The following ZDHHC14 variants were observed in gnomAD, a reference collection of about 807,000 sequenced individuals.
ZDHHC14 encodes zDHHC palmitoyltransferase 14, also known as palmitoyltransferase ZDHHC14.
A neutral mutation model predicts 47.7 loss-of-function variants in ZDHHC14; 16 were observed. The observed-to-expected ratio is 0.34, with a 90% CI of 0.23 to 0.51. ZDHHC14 has a LOEUF of 0.51. ZDHHC14 is among the 20% of genes least tolerant of loss of function. ZDHHC14 has a pLI of 0.97. For missense variants in ZDHHC14, 515 were observed against 662.5 expected, an observed-to-expected ratio of 0.78 and a Z score of 2.44; for synonymous variants, 293 against 278.9, an observed-to-expected ratio of 1.05 and a Z score of -0.50.
chr6:157,560,334 T>C (rs1782656934), intron 2 of ZDHHC14, among the ~76,000 whole-genome samples: 2 of 152,214 alleles, frequency 1.3e-5, no homozygotes. Flanking sequence ...TGAAGACCAC[T>C]TATCCCAGAG....
chr6:157,542,681 C>T lies in ZDHHC14; in HGVS notation c.342C>T (p.Phe114=), dbSNP rs1013984758. The T allele has an allele frequency of 3.7e-6, 6 of 1,614,052 alleles. No individual in the cohort carries two copies. The African/African-American group carries it at 6.7e-5, about 18-fold the overall frequency. Residue 114 remains phenylalanine, a synonymous_variant, in exon 2 of 9, where the codon TTC becomes TTT. Transcript: ENST00000359775. ...TGGGGACCCTGCTCCGCACCAGCTT[C>T]AGCGACCCCGGAGTCCTCCCACGAG... ...FVMGTLLRTS[F]SDPGVLPRAT...
intron 2 of ZDHHC14, among the ~76,000 whole-genome samples, chr6:157,575,170 G>T (rs535545918): frequency 6.6e-6 from 1 of 152,312 alleles, no homozygotes; most frequent in Non-Finnish European, 1.5e-5. Context: ...CTTCTACCTT[G>T]GGGGAGCTCA....
chr6:157,559,938 T>C (rs1782641670), intron 2 of ZDHHC14, among the ~76,000 whole-genome samples: 3 of 152,294 alleles, frequency 2.0e-5, no homozygotes, highest in Middle Eastern at 6.8e-3. Flanking sequence ...GAAACCTTAC[T>C]TGAAAATAAA....
chr6:157,613,105 G>T (rs1040296028), intron 3 of ZDHHC14, among the ~76,000 whole-genome samples: 3 of 152,102 alleles, frequency 2.0e-5, no homozygotes, highest in Admixed American at 6.5e-5. Flanking sequence ...AATGACTCAT[G>T]GTGTCTTTAG....
chr6:157,540,085 G>T (rs1184423170), intron 1 of ZDHHC14, among the ~76,000 whole-genome samples: 1 of 152,214 alleles, frequency 6.6e-6, no homozygotes, highest in African/African-American at 2.4e-5. Flanking sequence ...CCGGCAGGCA[G>T]TAGGCCTCCC....
At chr6:157,646,605 T>G (rs1035214198) in intron 6 of ZDHHC14, among the ~76,000 whole-genome samples, 64 of 102,118 alleles carry the variant, frequency 6.3e-4, no homozygotes, top group Middle Eastern at 5.0e-3. Flanking sequence ...AGAGCGACAC[T>G]CCATCTCAAA....
chr6:157,584,306 G>A (rs1783614207), intron 2 of ZDHHC14, among the ~76,000 whole-genome samples: 1 of 151,648 alleles, frequency 6.6e-6, no homozygotes, highest in South Asian at 2.1e-4. Flanking sequence ...TGGTGGCTGT[G>A]GTGTGCTGGA....
intron 1 of ZDHHC14, among the ~76,000 whole-genome samples, chr6:157,390,314 G>C (rs954722527): frequency 9.9e-5 from 15 of 151,950 alleles, no homozygotes; most frequent in African/African-American, 3.6e-4. Flanking sequence ...TATTTCTCCA[G>C]CTGATTTTCT....
Position 157,430,485 on chromosome 6 carries a change from G to A in ZDHHC14, c.245+48219G>A, listed in dbSNP as rs527576473. 3.9e-5 allele frequency among the ~76,000 whole-genome samples: 6 copies of A among 152,206 alleles called. No individual in the cohort carries two copies. The South Asian group carries it at 8.3e-4, about 21-fold the overall frequency. On this transcript the variant is annotated intron_variant, in intron 1 of 8. Transcript: ENST00000359775. Reference sequence around the variant, plus strand: ...TTTTCAGCCTCCAGAGGCTGCCCCCGCCTTTCCCTGGCTTGTGGCTGCCTT... The same window carrying A: ...TTTTCAGCCTCCAGAGGCTGCCCCCACCTTTCCCTGGCTTGTGGCTGCCTT...
At chr6:157,623,539 C>CTTTT (rs1194920593) in intron 3 of ZDHHC14, among the ~76,000 whole-genome samples, 9 of 126,208 alleles carry the variant, frequency 7.1e-5, no homozygotes, top group African/African-American at 1.6e-4. Flanking sequence ...ACTCATACAT[C>CTTTT]TTTTTTTTTT....
intron 2 of ZDHHC14, among the ~76,000 whole-genome samples, chr6:157,558,891 G>C (rs1566956): frequency 1.3e-5 from 2 of 151,818 alleles, no homozygotes; most frequent in African/African-American, 4.8e-5. Flanking sequence ...CTGGAAGCAG[G>C]ACTTGCAGGC....
intron 5 of ZDHHC14, among the ~76,000 whole-genome samples, chr6:157,635,097 G>T (rs1276171693): frequency 6.6e-6 from 1 of 152,056 alleles, no homozygotes; most frequent in Non-Finnish European, 1.5e-5. Context: ...GGGTTCAAGC[G>T]ATTCTCCTGC....
chr6:157,482,978 G>A lies in ZDHHC14; in HGVS notation c.246-59607G>A, dbSNP rs909706615. On this transcript the variant is annotated intron_variant, in intron 1 of 8. Coordinates refer to ENST00000359775, the MANE Select transcript of ZDHHC14 (RefSeq NM_024630.3). Reference sequence around the variant, plus strand: ...AAGCTGGTCTTGAACTCCTGACCTCGTGATCTGCCCACCTTGGCATCCCAA... The same window carrying A: ...AAGCTGGTCTTGAACTCCTGACCTCATGATCTGCCCACCTTGGCATCCCAA... Among the ~76,000 whole-genome samples, 8 of 151,830 alleles carry A rather than the reference G, an allele frequency of 5.3e-5. 1 individual carries two copies. In the South Asian group the frequency reaches 1.2e-3, roughly 24 times the overall value.
intron 1 of ZDHHC14, among the ~76,000 whole-genome samples, chr6:157,453,949 T>C (rs111893689): frequency 0.24 from 35,820 of 152,112 alleles, 4,553 homozygotes; most frequent in African/African-American, 0.28. Flanking sequence ...CTTCTTAATG[T>C]TTATCTTGAA....
At chr6:157,468,011 A>C (rs1779261949) in intron 1 of ZDHHC14, among the ~76,000 whole-genome samples, 1 of 152,216 alleles carries the variant, frequency 6.6e-6, no homozygotes, top group Admixed American at 6.5e-5. Flanking sequence ...CTTTAGGCAT[A>C]AGAGAAAAAG....
chr6:157,472,240 G>A (rs918971279), intron 1 of ZDHHC14, among the ~76,000 whole-genome samples: 1 of 152,120 alleles, frequency 6.6e-6, no homozygotes, highest in Non-Finnish European at 1.5e-5. Context: ...GTAAAAACGG[G>A]TTTCCCCAGG....
intron 3 of ZDHHC14, among the ~76,000 whole-genome samples, chr6:157,595,168 G>A (rs1784071068): frequency 7.8e-6 from 1 of 128,956 alleles, no homozygotes; most frequent in African/African-American, 3.1e-5. Context: ...CTTGTCTCTA[G>A]GCTAGATTTT....
At chr6:157,431,240 A>T (rs903220547) in intron 1 of ZDHHC14, among the ~76,000 whole-genome samples, 1 of 152,200 alleles carries the variant, frequency 6.6e-6, no homozygotes, top group Non-Finnish European at 1.5e-5. Flanking sequence ...GGAGGCTTGT[A>T]ATTCATCCAA....
intron 3 of ZDHHC14, among the ~76,000 whole-genome samples, chr6:157,601,906 T>C (rs1002784596): frequency 6.6e-6 from 1 of 152,222 alleles, no homozygotes; most frequent in Admixed American, 6.5e-5. Flanking sequence ...AAGGCAGAGA[T>C]AAAGAATGCA....
Sources: allele counts gnomAD v4.1 joint callset (sites outside exome capture counted in the v4.1 genomes callset), GRCh38; gene constraint gnomAD v4.1.1; transcripts MANE v1.5; gene names NCBI Gene and HGNC (gene_info 2026-07-23, HGNC 2026-07-21).